The following NCKAP1L variants were observed in gnomAD, a reference collection of about 807,000 sequenced individuals.
The protein encoded by NCKAP1L is NCK associated protein 1 like.
NCKAP1L carries 53 observed loss-of-function variants against 139.2 expected under a neutral mutation model. That is an observed-to-expected ratio of 0.38 (90% CI 0.31 to 0.48). NCKAP1L has a LOEUF of 0.48. NCKAP1L is among the 20% of genes least tolerant of loss of function. The pLI is 0.98. For missense variants in NCKAP1L, 1,151 were observed against 1,381.9 expected (o/e 0.83, Z 2.65); for synonymous variants, 468 against 499.7 (o/e 0.94, Z 0.85).
chr12:54,532,087 CTT>C (rs35753004), intron 25 of NCKAP1L, 81 bp from the exon 26 acceptor site: 189,036 of 859,404 alleles, frequency 0.22, 11,134 homozygotes, highest in African/African-American at 0.46. Flanking sequence ...AGTGCCCCTC[CTT>C]TTTTTTTTTT....
chr12:54,523,094 GT>G, intron 18 of NCKAP1L, among the ~76,000 whole-genome samples: 1 of 152,180 alleles, frequency 6.6e-6, no homozygotes, highest in East Asian at 1.9e-4. Flanking sequence ...TTATACTTGA[GT>G]TTTTCCATTA....
rs1957170762 is a variant in NCKAP1L, at chr12:54,542,871, A to G, written c.*186A>G. 1.9e-6 allele frequency: 1 copy of G among 529,876 alleles called. No homozygotes were observed. Among genetic ancestry groups the G allele is most frequent in the Non-Finnish European group, 3.4e-6 (1 of 296,482 alleles). The allele number at this position is 529,876 out of a possible 1,614,324, so 32.8% of individuals were successfully genotyped here. On this transcript the variant is annotated 3_prime_UTR_variant, in exon 31 of 31. Coordinates refer to ENST00000293373, the MANE Select transcript of NCKAP1L (RefSeq NM_005337.5). ...AGGGCTGAGAAATCGTAGAGCAGTG[A>G]GGCAGGCTGGGAGCATGGAGGACAG... is the stretch of plus-strand genomic sequence containing the variant.
At chr12:54,513,642 T>C (rs1394072018) in intron 9 of NCKAP1L, among the ~76,000 whole-genome samples, 1 of 152,290 alleles carries the variant, frequency 6.6e-6, no homozygotes, top group East Asian at 1.9e-4. Context: ...AAAATAAGAA[T>C]TGAAAAAATG....
rs766973721 is a variant in NCKAP1L at position 54,509,715 on chromosome 12, C to A, written c.553C>A (p.His185Asn). ...GGGTCAGATGGTCTTGGAGTATGAC[C>A]ACCCTCTGAAGAAGCTGACAGAAGA... is the stretch of plus-strand genomic sequence containing the variant. ...RLGQMVLEYD[H>N]PLKKLTEEFG... is the part of the protein sequence containing the mutation. Residue 185 changes from histidine (H) to asparagine (N), a missense_variant, in exon 6 of 31, where the codon CAC (histidine) becomes AAC (asparagine). His to Asn is a moderately conservative substitution (Grantham distance 68). Coordinates refer to ENST00000293373, the MANE Select transcript of NCKAP1L (RefSeq NM_005337.5). 1.9e-6 allele frequency: 3 copies of A among 1,614,156 alleles called. No homozygotes were observed. The highest frequency in any genetic ancestry group is 2.5e-6 in the Non-Finnish European group (3 of 1,180,030).
chr12:54,526,425 T>A, intron 20 of NCKAP1L, 103 bp from the exon 21 acceptor site: 1 of 878,424 alleles, frequency 1.1e-6, no homozygotes. Context: ...ATATGTGTAG[T>A]AAAATCCTAG....
Position 54,509,701 on chromosome 12 carries a change from T to C in NCKAP1L, c.539T>C (p.Val180Ala). The C allele has an allele frequency of 1.2e-6, 2 of 1,614,160 alleles. No individual in the cohort carries two copies. The highest frequency in any genetic ancestry group is 1.7e-6 in the Non-Finnish European group (2 of 1,180,006). Residue 180 changes from valine to alanine, a missense_variant, in exon 6 of 31, where the codon GTC becomes GCC. Transcript: ENST00000293373. Reference sequence around the variant, plus strand: ...AGTTTTGCCCGTCTGGGTCAGATGGTCTTGGAGTATGACCACCCTCTGAAG... The same window carrying C: ...AGTTTTGCCCGTCTGGGTCAGATGGCCTTGGAGTATGACCACCCTCTGAAG... ...DPSFARLGQM[V>A]LEYDHPLKKL...
At chr12:54,525,754 G>A (rs1372525940) in intron 20 of NCKAP1L, among the ~76,000 whole-genome samples, 1 of 152,002 alleles carries the variant, frequency 6.6e-6, no homozygotes, top group African/African-American at 2.4e-5. Flanking sequence ...CCTGCCATAA[G>A]CATTTTGCCA....
chr12:54,511,886 G>A (rs1956892219), intron 8 of NCKAP1L, 35 bp downstream of exon 8: 1 of 1,614,074 alleles, frequency 6.2e-7, no homozygotes, highest in Non-Finnish European at 8.5e-7. Context: ...AGTGGATGAA[G>A]CAGTATGTTA....
intron 30 of NCKAP1L, among the ~76,000 whole-genome samples, chr12:54,540,600 C>T (rs917968902): frequency 4.6e-5 from 7 of 152,170 alleles, no homozygotes; most frequent in Non-Finnish European, 8.8e-5. Context: ...AGGTATTATG[C>T]GTGAAAGTGC....
chr12:54,502,201 T>C (rs1956803443), intron 3 of NCKAP1L, among the ~76,000 whole-genome samples: 1 of 152,210 alleles, frequency 6.6e-6, no homozygotes, highest in Non-Finnish European at 1.5e-5. Flanking sequence ...ATATTTGCAT[T>C]AGGCAGTTGA....
At chr12:54,510,279 G>A (rs1956876724) in intron 7 of NCKAP1L, 2 of 490,916 alleles carry the variant, frequency 4.1e-6, no homozygotes, top group Non-Finnish European at 7.4e-6. Context: ...AGAGTCATTA[G>A]GCACCTATTA....
chr12:54,506,032 A>G (rs1956837299), intron 3 of NCKAP1L, among the ~76,000 whole-genome samples: 1 of 152,204 alleles, frequency 6.6e-6, no homozygotes, highest in South Asian at 2.1e-4. Context: ...ACCTGTTGAT[A>G]GACATTTGAG....
At chr12:54,505,049 G>C (rs902880483) in intron 3 of NCKAP1L, among the ~76,000 whole-genome samples, 1 of 152,216 alleles carries the variant, frequency 6.6e-6, no homozygotes, top group African/African-American at 2.4e-5. Context: ...GTAGCATACA[G>C]GGAAAATCAA....
chr12:54,506,790 A>T (rs1956842227), intron 3 of NCKAP1L, among the ~76,000 whole-genome samples: 1 of 27,558 alleles, frequency 3.6e-5, no homozygotes, highest in African/African-American at 2.8e-4. Flanking sequence ...CATATTAAAA[A>T]AAAAAAATAT....
chr12:54,507,728 CTT>C (rs1422183953), intron 3 of NCKAP1L, 123 bp from the exon 4 acceptor site: 5 of 854,372 alleles, frequency 5.9e-6, no homozygotes, highest in Non-Finnish European at 9.6e-6. Flanking sequence ...TTCACAGTGA[CTT>C]TTCTCTGTTA....
At chr12:54,503,061 C>T (rs893794064) in intron 3 of NCKAP1L, among the ~76,000 whole-genome samples, 7 of 150,828 alleles carry the variant, frequency 4.6e-5, no homozygotes, top group African/African-American at 1.7e-4. Flanking sequence ...CCCATATTCA[C>T]ATTTCTCCAG....
At position 54,506,796 on chromosome 12, in the gene NCKAP1L, A is replaced by ATATATATATATAT. The variant is rs1555170865; in HGVS notation, c.307-1057_307-1056insTATATATATATAT. Reference sequence around the variant, plus strand: ...TTTTGGCAACATATTAAAAAAAAAAAATATATATATATATATATATATATA... The same window carrying ATATATATATATAT: ...TTTTGGCAACATATTAAAAAAAAAAATATATATATATATATATATATATATATATATATATATA... On this transcript the variant is annotated intron_variant, in intron 3 of 30. Transcript: ENST00000293373. Among the ~76,000 whole-genome samples, 327 of 50,586 alleles carry ATATATATATATAT rather than the reference A, an allele frequency of 6.5e-3. 2 individuals carry two copies. The highest frequency in any genetic ancestry group is 0.011 in the Admixed American group (33 of 2,978). 33.2% of individuals were successfully genotyped at this position (50,586 alleles called of 152,430 possible). A position where few individuals can be genotyped will look rare whatever the true frequency, so the allele number is the denominator to read the frequency against.
In NCKAP1L at chr12:54,547,513, T is replaced by TGTGTGC. The variant is rs1555173130; in HGVS notation, c.*4833_*4834insCGTGTG. On this transcript the variant is annotated 3_prime_UTR_variant, in exon 31 of 31. Coordinates refer to ENST00000293373, the MANE Select transcript of NCKAP1L (RefSeq NM_005337.5). ...CTTTGTGTGTGTGTGCGTGTGTGTGTGTGTGTGTGTGTGTGTGTGTGAATT... is the reference window on the plus strand; with the variant it reads ...CTTTGTGTGTGTGTGCGTGTGTGTGTGTGTGCGTGTGTGTGTGTGTGTGTGTGAATT... 1 of 151,648 alleles carries TGTGTGC rather than the reference T, an allele frequency of 6.6e-6. No homozygotes were observed. Among genetic ancestry groups the TGTGTGC allele is most frequent in the Non-Finnish European group, 1.5e-5 (1 of 67,990 alleles). The allele number at this position is 151,648 out of a possible 1,614,324, so 9.4% of individuals were successfully genotyped here. A position where few individuals can be genotyped will look rare whatever the true frequency, so the allele number is the denominator to read the frequency against.
chr12:54,524,021 T>G, intron 20 of NCKAP1L, 65 bp downstream of exon 20: 1 of 1,513,214 alleles, frequency 6.6e-7, no homozygotes, highest in South Asian at 1.2e-5. Context: ...TACCTCTATG[T>G]GTAGTATGGT....
Sources: gnomAD v4.1 joint callset for allele counts (sites outside exome capture counted in the v4.1 genomes callset) on GRCh38, gnomAD v4.1.1 for gene constraint, MANE v1.5 for transcripts, NCBI Gene and HGNC (gene_info 2026-07-23, HGNC 2026-07-21) for gene names.